The following ACVR1B variants were observed in gnomAD, a reference collection of about 807,000 sequenced individuals.
The protein encoded by ACVR1B is activin receptor type-1B.
Under a neutral mutation model 55.6 loss-of-function variants are expected in ACVR1B, and 15 were observed. The ratio of observed to expected loss-of-function variants is 0.27; its 90% CI spans 0.18 to 0.42. ACVR1B has a LOEUF of 0.42. Ranked by LOEUF, ACVR1B falls within the 10% of genes least tolerant of loss-of-function variation. The probability of loss-of-function intolerance (pLI) is 1.00; values close to 1 mark genes in which losing one functional copy is unlikely to be tolerated. For synonymous variants in ACVR1B, 247 were observed against 254.6 expected (o/e 0.97, Z 0.28); for missense variants, 359 against 670.1 (o/e 0.54, Z 5.13).
At position 51,951,819 on chromosome 12, in the gene ACVR1B, C is replaced by T. The variant is rs1941302032; in HGVS notation, c.76C>T (p.Pro26Ser). ...GCTCGCCGGCAGCGGCGGGTCCGGG[C>T]CCCGGGGGGTCCAGGGTGAGTCCTG... ...LLLAGSGGSG[P>S]RGVQALLCAC... Residue 26 changes from proline to serine, a missense_variant, in exon 1 of 9, where the codon CCC becomes TCC. Transcript: ENST00000257963. 3.9e-6 allele frequency: 5 copies of T among 1,276,308 alleles called. No homozygotes were observed. The highest frequency in any genetic ancestry group is 2.0e-6 in the Non-Finnish European group (2 of 1,003,130). The allele number at this position is 1,276,308 out of a possible 1,614,324, so 79.1% of individuals were successfully genotyped here.
intron 1 of ACVR1B, among the ~76,000 whole-genome samples, chr12:51,960,560 G>A (rs1458463887): frequency 6.6e-6 from 1 of 152,208 alleles, no homozygotes. Flanking sequence ...ATTATGCTAA[G>A]CACCTGTGTT....
intron 1 of ACVR1B, among the ~76,000 whole-genome samples, chr12:51,968,169 G>A (rs1941676739): frequency 6.6e-6 from 1 of 152,180 alleles, no homozygotes; most frequent in African/African-American, 2.4e-5. Context: ...GGAGGCAAAG[G>A]TTGCAGTGAG....
At chr12:51,981,463 A>G (rs1204502958) in intron 4 of ACVR1B, among the ~76,000 whole-genome samples, 2 of 152,068 alleles carry the variant, frequency 1.3e-5, no homozygotes, top group African/African-American at 4.8e-5. Flanking sequence ...TACCTGCTCA[A>G]TTTCTCTTTC....
At chr12:51,964,642 A>C (rs1941605150) in intron 1 of ACVR1B, among the ~76,000 whole-genome samples, 1 of 152,184 alleles carries the variant, frequency 6.6e-6, no homozygotes, top group Admixed American at 6.5e-5. Context: ...ATTTTTGCAC[A>C]TGGTGTTAGG....
intron 8 of ACVR1B, among the ~76,000 whole-genome samples, chr12:51,992,809 C>T (rs1373777092): frequency 6.6e-6 from 1 of 152,128 alleles, no homozygotes; most frequent in East Asian, 1.9e-4. Context: ...CAGATGAAAT[C>T]AGGGGTGTGG....
intron 6 of ACVR1B, among the ~76,000 whole-genome samples, 173 bp downstream of exon 6, chr12:51,985,521 A>G (rs997655753): frequency 6.6e-6 from 1 of 152,258 alleles, no homozygotes; most frequent in African/African-American, 2.4e-5. Context: ...AAGTTGCATC[A>G]CTGCATCTAA....
intron 7 of ACVR1B, chr12:51,987,198 C>G (rs954576560): frequency 1.5e-6 from 1 of 682,258 alleles, no homozygotes; most frequent in African/African-American, 1.8e-5. Context: ...TATAAACAAA[C>G]AAACATTGTT....
chr12:51,965,193 A>G (rs1266262166), intron 1 of ACVR1B, among the ~76,000 whole-genome samples: 1 of 152,210 alleles, frequency 6.6e-6, no homozygotes, highest in Admixed American at 6.5e-5. Flanking sequence ...CTGGAGGAAT[A>G]TACATCAAAC....
At position 51,994,254 on chromosome 12, in the gene ACVR1B, GAGAGACTCGCTCACTCCC is replaced by G. The variant is rs2120774716; in HGVS notation, c.*146_*163del. Reference sequence around the variant, plus strand: ...GGCCCGCAAGAGGGACAGAGCCCGGGAGAGACTCGCTCACTCCCATGTTGGGTTTGAGACAGACACCTT... The same window carrying G: ...GGCCCGCAAGAGGGACAGAGCCCGGGATGTTGGGTTTGAGACAGACACCTT... On this transcript the variant is annotated 3_prime_UTR_variant, in exon 9 of 9. Transcript: ENST00000257963. This position sits in a 1 kb window ranked among gnomAD's most constrained non-coding sequence, Gnocchi z 4.2. 7.5e-6 allele frequency: 9 copies of G among 1,193,878 alleles called. No homozygotes were observed. In the South Asian group the frequency reaches 1.3e-4, roughly 18 times the overall value. 74.0% of individuals were successfully genotyped at this position (1,193,878 alleles called of 1,614,324 possible). A position where few individuals can be genotyped will look rare whatever the true frequency, so the allele number is the denominator to read the frequency against.
intron 3 of ACVR1B, among the ~76,000 whole-genome samples, chr12:51,979,466 CAAAA>C (rs11421560): frequency 8.5e-6 from 1 of 117,788 alleles, no homozygotes; most frequent in Non-Finnish European, 1.7e-5. Context: ...GACACCATCT[CAAAA>C]AAAAAAAAAA....
chr12:51,951,853 G>A lies in ACVR1B; in HGVS notation c.91+19G>A, dbSNP rs1941303162. 1 of 1,254,926 alleles carries A rather than the reference G, an allele frequency of 8.0e-7. No individual in the cohort carries two copies. Among genetic ancestry groups the A allele is most frequent in the African/African-American group, 1.5e-5 (1 of 64,932 alleles). The allele number at this position is 1,254,926 out of a possible 1,614,324, so 77.7% of individuals were successfully genotyped here. A position where few individuals can be genotyped will look rare whatever the true frequency, so the allele number is the denominator to read the frequency against. Reference sequence around the variant, plus strand: ...GTCCAGGGTGAGTCCTGGGACGGGGGGCGGGGGCCGGGATGGAGAGGGCCC... The same window carrying A: ...GTCCAGGGTGAGTCCTGGGACGGGGAGCGGGGGCCGGGATGGAGAGGGCCC... On this transcript the variant is annotated intron_variant, in intron 1 of 8. Transcript: ENST00000257963.
At chr12:51,958,972 G>A (rs1941464273) in intron 1 of ACVR1B, among the ~76,000 whole-genome samples, 1 of 152,204 alleles carries the variant, frequency 6.6e-6, no homozygotes, top group African/African-American at 2.4e-5. Context: ...CAGGTGTTAG[G>A]GATACAGTAG....
chr12:51,993,765 TAAAAAAAAAAAAAAAAAAAA>T (rs869161100), intron 8 of ACVR1B, among the ~76,000 whole-genome samples, 200 bp from the exon 9 acceptor site: 1,073 of 29,786 alleles, frequency 0.036, 29 homozygotes, highest in African/African-American at 0.095. Flanking sequence ...AGACTCCTTC[TAAAAAAAAAAAAAAAAAAAA>T]AAAAAAAAAA....
intron 1 of ACVR1B, among the ~76,000 whole-genome samples, chr12:51,958,644 C>CAA (rs34307946): frequency 4.4e-5 from 4 of 90,584 alleles, no homozygotes; most frequent in Non-Finnish European, 7.1e-5. Context: ...TGAGACTCCT[C>CAA]AAAAAAAAAA....
intron 7 of ACVR1B, among the ~76,000 whole-genome samples, chr12:51,989,410 G>A (rs1942145246): frequency 1.3e-5 from 2 of 151,776 alleles, no homozygotes; most frequent in South Asian, 2.1e-4. Context: ...TCAGCCTCCC[G>A]AGTAGCTGGG....
chr12:51,994,146 A>G lies in ACVR1B; in HGVS notation c.*36A>G. The G allele has an allele frequency of 1.2e-6, 2 of 1,608,530 alleles. No individual in the cohort carries two copies. The highest frequency in any genetic ancestry group is 1.7e-6 in the Non-Finnish European group (2 of 1,179,394). ...TCTCCACACGGAGCTCCTGGCAGCG[A>G]GAACTACGCACAGCTGCCGCGTTGA... On this transcript the variant is annotated 3_prime_UTR_variant, in exon 9 of 9. Transcript: ENST00000257963. The surrounding 1 kb of genome is among the most constrained non-coding windows in gnomAD (Gnocchi z 4.2).
At chr12:51,976,639 G>C (rs1941863453) in intron 3 of ACVR1B, 64 bp downstream of exon 3, 1 of 1,589,458 alleles carries the variant, frequency 6.3e-7, no homozygotes, top group Non-Finnish European at 8.6e-7. Flanking sequence ...GCAGGATAGA[G>C]TGCTTGTAGA....
intron 6 of ACVR1B, 48 bp from the exon 7 acceptor site, chr12:51,986,770 A>C: frequency 6.4e-7 from 1 of 1,573,974 alleles, no homozygotes; most frequent in Non-Finnish European, 8.6e-7. Context: ...ATTTAAAGAG[A>C]GCAGTCATCA....
intron 2 of ACVR1B, 115 bp downstream of exon 2, chr12:51,975,619 G>A: frequency 7.3e-7 from 1 of 1,377,346 alleles, no homozygotes; most frequent in Non-Finnish European, 9.8e-7. Context: ...ATGCCTTTTG[G>A]ATGTTCCCGA....
Sources: allele counts gnomAD v4.1 joint callset (sites outside exome capture counted in the v4.1 genomes callset), GRCh38; gene constraint gnomAD v4.1.1; non-coding constraint Gnocchi (gnomAD v3.1); transcripts MANE v1.5; gene names NCBI Gene and HGNC (gene_info 2026-07-23, HGNC 2026-07-21).